RNASEH1: variants seen among roughly 807,000 people sequenced by gnomAD.
The protein encoded by RNASEH1 is ribonuclease H type II.
A neutral mutation model predicts 34.6 loss-of-function variants in RNASEH1; 27 were observed. The observed-to-expected ratio is 0.78, with a 90% CI of 0.58 to 1.08. The LOEUF is 1.08. Among genes scored for constraint, RNASEH1 ranks in the 50% least tolerant of loss-of-function variants. RNASEH1 has a pLI of 0.00. For synonymous variants in RNASEH1, 162 were observed against 138.4 expected, an observed-to-expected ratio of 1.17 and a Z score of -1.20; for missense variants, 349 against 373.6, an observed-to-expected ratio of 0.93 and a Z score of 0.54.
At chr2:3,538,344 C>A (rs1015483813), downstream of RNASEH1, among the ~76,000 whole-genome samples, 4 of 151,526 alleles carry the variant, frequency 2.6e-5, no homozygotes, top group African/African-American at 9.7e-5. Flanking sequence ...AAGAGCAAAA[C>A]TCCATCTCAA....
At chr2:3,535,844 G>A in the RNASEH1 span, among the ~76,000 whole-genome samples, 1 of 152,208 alleles carries the variant, frequency 6.6e-6, no homozygotes, top group African/African-American at 2.4e-5. Context: ...AGTACAGGCA[G>A]GGAAGGACGC....
chr2:3,558,278 G>T lies in RNASEH1; in HGVS notation c.-18C>A. 1.9e-6 allele frequency: 3 copies of T among 1,545,988 alleles called. No individual in the cohort carries two copies. The highest frequency in any genetic ancestry group is 1.4e-5 in the African/African-American group (1 of 71,156). On this transcript the variant is annotated 5_prime_UTR_variant, in exon 1 of 8. Coordinates refer to ENST00000315212, the MANE Select transcript of RNASEH1 (RefSeq NM_002936.6). The stretch of plus-strand genomic sequence containing the variant: ...CAGCTCATCGCTCACTCCCGGCACC[G>T]GGAAGCATTTCGACTCCCGGCCCAG...
chr2:3,539,664 CTGA>C (rs1256715256), downstream of RNASEH1, among the ~76,000 whole-genome samples: 1 of 152,170 alleles, frequency 6.6e-6, no homozygotes, highest in Non-Finnish European at 1.5e-5. Context: ...GTGTTTTGTT[CTGA>C]TGACATCCTG....
At position 3,541,705 on chromosome 2, in the gene RNASEH1, T is replaced by C. The variant is rs1475370499; in HGVS notation, c.*4080A>G. ...GAGCAGACCAGTGGTTGCCTGAACA[T>C]GGAGGACACGAGGGACGGTTTAGAC... On this transcript the variant is annotated 3_prime_UTR_variant, in exon 8 of 8. Coordinates refer to ENST00000315212, the MANE Select transcript of RNASEH1 (RefSeq NM_002936.6). Among the ~76,000 whole-genome samples, 1 of 152,202 alleles carries C rather than the reference T, an allele frequency of 6.6e-6. No homozygotes were observed. The highest frequency in any genetic ancestry group is 1.5e-5 in the Non-Finnish European group (1 of 68,038).
At chr2:3,552,571 C>T (rs1314840736) in intron 2 of RNASEH1, among the ~76,000 whole-genome samples, 2 of 102,832 alleles carry the variant, frequency 1.9e-5, no homozygotes, top group Non-Finnish European at 4.1e-5. Flanking sequence ...ACCACCACCC[C>T]CTCCCCTCCA....
intron 4 of RNASEH1, 95 bp downstream of exon 4, chr2:3,550,278 G>T: frequency 9.4e-7 from 1 of 1,068,756 alleles, no homozygotes; most frequent in South Asian, 1.2e-5. Context: ...CTTATCTGCA[G>T]GTTTTCCCAA....
downstream of RNASEH1, among the ~76,000 whole-genome samples, chr2:3,538,520 T>C (rs1054671430): frequency 2.0e-5 from 3 of 152,176 alleles, no homozygotes; most frequent in South Asian, 6.2e-4. Flanking sequence ...TTATCCTCTT[T>C]GACACAAAAG....
chr2:3,543,540 G>A lies in RNASEH1; in HGVS notation c.*2245C>T, dbSNP rs982561197. On this transcript the variant is annotated 3_prime_UTR_variant, in exon 8 of 8. Transcript: ENST00000315212. ...CTGAAGAGGCTCCCTCTCACTGACC[G>A]AATAAGCTAGTCTGAGCTAAATAAA... 2.1e-4 allele frequency among the ~76,000 whole-genome samples: 32 copies of A among 152,094 alleles called. No individual in the cohort carries two copies. The highest frequency in any genetic ancestry group is 7.0e-4 in the African/African-American group (29 of 41,480).
intron 1 of RNASEH1, chr2:3,557,691 A>G (rs887157913): frequency 2.1e-5 from 9 of 436,124 alleles, no homozygotes; most frequent in African/African-American, 1.6e-4. Context: ...GGGTTGTTAC[A>G]AGGATCCAAC....
chr2:3,548,084 C>A, intron 6 of RNASEH1, 29 bp from the exon 7 acceptor site: 1 of 1,613,320 alleles, frequency 6.2e-7, no homozygotes, highest in South Asian at 1.1e-5. Context: ...ACTGGTGAGT[C>A]AATCTTGAGT....
chr2:3,537,549 C>T (rs770483919), downstream of RNASEH1, among the ~76,000 whole-genome samples: 3 of 151,862 alleles, frequency 2.0e-5, no homozygotes, highest in Non-Finnish European at 4.4e-5. Context: ...GTAGTGAGAC[C>T]CCAGCTCTAA....
chr2:3,549,134 GAAAAT>G (rs1392129420), intron 4 of RNASEH1, 22 bp from the exon 5 acceptor site: 5 of 1,581,066 alleles, frequency 3.2e-6, no homozygotes, highest in Non-Finnish European at 4.3e-6. Context: ...CAGTACAAAA[GAAAAT>G]AAAAGTATAA....
chr2:3,556,939 T>C (rs747562849), intron 1 of RNASEH1, 35 bp from the exon 2 acceptor site: 1 of 1,441,500 alleles, frequency 6.9e-7, no homozygotes, highest in Non-Finnish European at 9.8e-7. Context: ...TCCTTCTTCC[T>C]TCTCTAACTT....
At chr2:3,557,573 A>G in intron 1 of RNASEH1, 1 of 319,144 alleles carries the variant, frequency 3.1e-6, no homozygotes, top group Non-Finnish European at 6.1e-6. Context: ...CTGGTGGTAC[A>G]GTCAGAACAG....
intron 2 of RNASEH1, among the ~76,000 whole-genome samples, chr2:3,553,102 G>A (rs191040413): frequency 5.9e-5 from 9 of 152,040 alleles, no homozygotes; most frequent in Admixed American, 1.3e-4. Flanking sequence ...ACAAAAATTA[G>A]CCAGGCGTGA....
Position 3,543,219 on chromosome 2 carries a change from T to C in RNASEH1, c.*2566A>G, listed in dbSNP as rs1032958904. ...GTCAGTCTGGCCATGTACATGTGTC[T>C]TTCCCTTCCTGTGGCTATAAATAAA... On this transcript the variant is annotated 3_prime_UTR_variant, in exon 8 of 8. Coordinates refer to ENST00000315212, the MANE Select transcript of RNASEH1 (RefSeq NM_002936.6). Among the ~76,000 whole-genome samples the C allele has an allele frequency of 1.5e-4, 23 of 152,216 alleles. No individual in the cohort carries two copies. The highest frequency in any genetic ancestry group is 1.5e-3 in the Admixed American group (23 of 15,284).
At chr2:3,548,088 C>A in intron 6 of RNASEH1, 33 bp from the exon 7 acceptor site, 1 of 1,612,990 alleles carries the variant, frequency 6.2e-7, no homozygotes, top group Non-Finnish European at 8.5e-7. Flanking sequence ...GTGAGTCAAT[C>A]TTGAGTGTCC....
chr2:3,549,145 T>A (rs758148575), intron 4 of RNASEH1, 33 bp from the exon 5 acceptor site: 9 of 1,523,462 alleles, frequency 5.9e-6, no homozygotes, highest in African/African-American at 2.7e-5. Context: ...AAAATAAAAG[T>A]ATAAAGTGAA....
chr2:3,543,463 C>T lies in RNASEH1; in HGVS notation c.*2322G>A, dbSNP rs752411088. Among the ~76,000 whole-genome samples the T allele has an allele frequency of 2.7e-5, 4 of 150,188 alleles. No individual in the cohort carries two copies. The highest frequency in any genetic ancestry group is 5.9e-5 in the Non-Finnish European group (4 of 68,008). ...TCAATGACTGTGCGTGTGGTCTGTG[C>T]ACACATGTATGCACACATGTGCACA... is the stretch of plus-strand genomic sequence containing the variant. On this transcript the variant is annotated 3_prime_UTR_variant, in exon 8 of 8. Transcript: ENST00000315212.
Sources: allele counts gnomAD v4.1 joint callset (sites outside exome capture counted in the v4.1 genomes callset), GRCh38; gene constraint gnomAD v4.1.1; transcripts MANE v1.5; gene names NCBI Gene and HGNC (gene_info 2026-07-23, HGNC 2026-07-21).